The following DOCK4 variants were observed in gnomAD, a reference collection of about 807,000 sequenced individuals.
DOCK4 encodes dedicator of cytokinesis protein 4.
In DOCK4, 97 loss-of-function variants were observed where a neutral mutation model predicts 268.1. The observed-to-expected ratio is 0.36, with a 90% CI of 0.31 to 0.43. DOCK4 has a LOEUF of 0.43. Among genes scored for constraint, DOCK4 ranks in the 20% least tolerant of loss-of-function variants. The probability of loss-of-function intolerance (pLI) is 1.00; values close to 1 mark genes in which losing one functional copy is unlikely to be tolerated. For missense variants in DOCK4, 2,145 were observed against 2,455.7 expected (o/e 0.87, Z 2.67); for synonymous variants, 954 against 887.2 (o/e 1.08, Z -1.34).
chr7:111,777,241 C>T (rs946989993), intron 36 of DOCK4, among the ~76,000 whole-genome samples: 7 of 152,124 alleles, frequency 4.6e-5, no homozygotes, highest in African/African-American at 1.7e-4. Flanking sequence ...ATACTGTATC[C>T]AGTAAACATA....
chr7:111,881,106 C>T (rs1342204142), intron 16 of DOCK4, among the ~76,000 whole-genome samples: 2 of 151,982 alleles, frequency 1.3e-5, no homozygotes, highest in Non-Finnish European at 2.9e-5. Flanking sequence ...AGCTGCACAG[C>T]AAAGGAAATA....
At chr7:111,899,533 A>T (rs1018166392) in intron 15 of DOCK4, among the ~76,000 whole-genome samples, 2 of 152,212 alleles carry the variant, frequency 1.3e-5, no homozygotes, top group Admixed American at 1.3e-4. Flanking sequence ...GAATGCAAAA[A>T]AATGGAAATA....
At chr7:111,934,531 T>TTTTTG (rs1562907407) in intron 12 of DOCK4, among the ~76,000 whole-genome samples, 1 of 137,572 alleles carries the variant, frequency 7.3e-6, no homozygotes, top group African/African-American at 3.0e-5. Flanking sequence ...TTGTTTTTTT[T>TTTTTG]TTTTTTTTTT....
At chr7:111,927,755 G>GGTATAGAGCA (rs1422415588) in intron 12 of DOCK4, among the ~76,000 whole-genome samples, 1 of 152,206 alleles carries the variant, frequency 6.6e-6, no homozygotes, top group Non-Finnish European at 1.5e-5. Flanking sequence ...AGAGCATAGT[G>GGTATAGAGCA]ATGGGGTTCA....
intron 4 of DOCK4, 46 bp downstream of exon 4, chr7:111,998,402 A>G: frequency 7.0e-7 from 1 of 1,427,100 alleles, no homozygotes; most frequent in Non-Finnish European, 9.5e-7. Flanking sequence ...AAAGAAGCAA[A>G]GGCTCTGTGA....
At chr7:112,023,728 T>C in intron 1 of DOCK4, 1 of 390,398 alleles carries the variant, frequency 2.6e-6, no homozygotes. Context: ...AGGGGGTGCA[T>C]ACCTTGTGCA....
At position 111,832,533 on chromosome 7, in the gene DOCK4, C is replaced by T. The variant is rs142938265; in HGVS notation, c.2835+2055G>A. Among the ~76,000 whole-genome samples the T allele has an allele frequency of 8.9e-3, 1,356 of 152,062 alleles. 22 individuals are homozygous for T. Among genetic ancestry groups the T allele is most frequent in the African/African-American group, 0.031 (1,284 of 41,514 alleles). On this transcript the variant is annotated intron_variant, in intron 26 of 52. Transcript: ENST00000428084. ...TAATTCTCCTAGTCAGAAGGCCTTGCTATTTTTTTTTTCAGACGGAGTCTC... is the reference window on the plus strand; with the variant it reads ...TAATTCTCCTAGTCAGAAGGCCTTGTTATTTTTTTTTTCAGACGGAGTCTC...
chr7:111,987,995 T>C (rs556479042), intron 6 of DOCK4, among the ~76,000 whole-genome samples: 1 of 152,334 alleles, frequency 6.6e-6, no homozygotes, highest in Non-Finnish European at 1.5e-5. Flanking sequence ...ATTCAGAGTG[T>C]GCAACATCTT....
Position 111,984,253 on chromosome 7 carries a change from T to C in DOCK4, c.549+53A>G, listed in dbSNP as rs1386086806. ...AATCAAGCAAGTATGAGGAGTGCCATGGAAACCAGAAAATTAGCAGGAAGA... is the reference window on the plus strand; with the variant it reads ...AATCAAGCAAGTATGAGGAGTGCCACGGAAACCAGAAAATTAGCAGGAAGA... On this transcript the variant is annotated intron_variant, in intron 7 of 52. Coordinates refer to ENST00000428084, the MANE Select transcript of DOCK4 (RefSeq NM_001363540.2). 3.3e-6 allele frequency: 5 copies of C among 1,515,288 alleles called. No individual in the cohort carries two copies. In the African/African-American group the frequency reaches 4.1e-5, roughly 13 times the overall value. 93.9% of individuals were successfully genotyped at this position (1,515,288 alleles called of 1,614,324 possible).
intron 1 of DOCK4, among the ~76,000 whole-genome samples, chr7:112,070,278 G>C (rs930146834): frequency 4.6e-5 from 7 of 152,140 alleles, no homozygotes; most frequent in African/African-American, 1.7e-4. Context: ...TTAGATACAG[G>C]GGTGGGAGGA....
chr7:112,102,927 C>T (rs182202411), intron 1 of DOCK4, among the ~76,000 whole-genome samples: 3 of 152,298 alleles, frequency 2.0e-5, no homozygotes, highest in Admixed American at 1.3e-4. Context: ...AATAGGTTAG[C>T]CCTTTAAAAA....
intron 42 of DOCK4, among the ~76,000 whole-genome samples, chr7:111,754,935 A>T (rs1563457127): frequency 6.6e-6 from 1 of 152,174 alleles, no homozygotes; most frequent in Non-Finnish European, 1.5e-5. Context: ...CTTACTGTGC[A>T]TCGGGCACTG....
At chr7:112,027,799 A>C (rs1170439058) in intron 1 of DOCK4, among the ~76,000 whole-genome samples, 1 of 152,196 alleles carries the variant, frequency 6.6e-6, no homozygotes, top group Non-Finnish European at 1.5e-5. Context: ...ATCCTTCTCC[A>C]AACACAATTT....
chr7:111,919,627 G>C (rs1792934984), intron 12 of DOCK4, among the ~76,000 whole-genome samples: 2 of 152,188 alleles, frequency 1.3e-5, no homozygotes. Flanking sequence ...GGGGGTTGAG[G>C]GGGAGGGCAG....
chr7:111,768,048 G>A (rs1262930970), intron 37 of DOCK4, among the ~76,000 whole-genome samples: 1 of 152,114 alleles, frequency 6.6e-6, no homozygotes, highest in East Asian at 1.9e-4. Flanking sequence ...GCATGGCTGT[G>A]TTCCAATAAG....
chr7:112,184,556 C>A (rs1301278749), intron 1 of DOCK4, among the ~76,000 whole-genome samples: 1 of 151,992 alleles, frequency 6.6e-6, no homozygotes. Context: ...AAGGTACAAG[C>A]TACTAACCTC....
chr7:112,024,910 C>T (rs1254042182), intron 1 of DOCK4, among the ~76,000 whole-genome samples: 5 of 152,078 alleles, frequency 3.3e-5, no homozygotes, highest in Non-Finnish European at 7.4e-5. Context: ...AATGTCTTAC[C>T]TTTTATATTC....
At chr7:112,120,598 T>C (rs1812645813) in intron 1 of DOCK4, among the ~76,000 whole-genome samples, 1 of 152,192 alleles carries the variant, frequency 6.6e-6, no homozygotes, top group South Asian at 2.1e-4. Context: ...TGGTTTGACA[T>C]AAAGTCAACT....
chr7:111,737,440 C>A (rs1795584826), intron 49 of DOCK4, among the ~76,000 whole-genome samples: 1 of 151,828 alleles, frequency 6.6e-6, no homozygotes, highest in African/African-American at 2.4e-5. Context: ...GTGTGGAGTT[C>A]TTTGTAAATA....
Sources: allele counts gnomAD v4.1 joint callset (sites outside exome capture counted in the v4.1 genomes callset), GRCh38; gene constraint gnomAD v4.1.1; transcripts MANE v1.5; gene names NCBI Gene and HGNC (gene_info 2026-07-23, HGNC 2026-07-21).